Variants in GDAP2 observed in about 807,000 individuals in gnomAD.
The protein encoded by GDAP2 is ganglioside-induced differentiation-associated protein 2.
In GDAP2, 51 loss-of-function variants were observed where a neutral mutation model predicts 67.0. The observed-to-expected ratio is 0.76, with a 90% confidence interval of 0.61 to 0.96. The LOEUF is 0.96. Ranked by LOEUF, GDAP2 falls within the 40% of genes least tolerant of loss-of-function variation. The pLI, the probability that GDAP2 is intolerant of heterozygous loss-of-function variation, is 0.00. For missense variants in GDAP2, 547 were observed against 588.3 expected, an observed-to-expected ratio of 0.93 and a Z score of 0.73; for synonymous variants, 203 against 207.3, an observed-to-expected ratio of 0.98 and a Z score of 0.18.
rs1648039788 is a variant in GDAP2 at position 117,865,912 on chromosome 1, A to G, written c.*4657T>C. The G allele has an allele frequency of 6.6e-6, 1 of 152,228 alleles. No homozygotes were observed. Among genetic ancestry groups the G allele is most frequent in the African/African-American group, 2.4e-5 (1 of 41,458 alleles). 9.4% of individuals were successfully genotyped at this position (152,228 alleles called of 1,614,324 possible). A position where few individuals can be genotyped will look rare whatever the true frequency, so the allele number is the denominator to read the frequency against. On this transcript the variant is annotated 3_prime_UTR_variant, in exon 14 of 14. Transcript: ENST00000369443. ...ATTGAACTAGGTTATTTATTGCTCT[A>G]TGTTCTCTACATATGGACCACAGAA... is the stretch of plus-strand genomic sequence containing the variant.
chr1:117,910,485 A>G (rs1028693307), intron 5 of GDAP2, among the ~76,000 whole-genome samples: 2 of 152,176 alleles, frequency 1.3e-5, no homozygotes, highest in African/African-American at 4.8e-5. Flanking sequence ...AGCAGTTAGA[A>G]TATTGGTTTT....
chr1:117,873,004 G>C (rs1487397344), intron 13 of GDAP2, among the ~76,000 whole-genome samples: 7 of 152,042 alleles, frequency 4.6e-5, no homozygotes, highest in African/African-American at 1.7e-4. Flanking sequence ...TCTGTCTTTA[G>C]GAGTTCTCTA....
intron 3 of GDAP2, among the ~76,000 whole-genome samples, chr1:117,916,630 C>T (rs1650054114): frequency 2.0e-5 from 3 of 152,044 alleles, no homozygotes; most frequent in Admixed American, 2.0e-4. Context: ...TTGCTGGAGA[C>T]AATGGTGACA....
At chr1:117,894,275 G>A (rs1649192177) in intron 8 of GDAP2, among the ~76,000 whole-genome samples, 1 of 152,086 alleles carries the variant, frequency 6.6e-6, no homozygotes, top group African/African-American at 2.4e-5. Context: ...ACAGAGGCAT[G>A]AGCCACCATG....
intron 3 of GDAP2, chr1:117,913,409 T>G (rs1649932770): frequency 6.6e-6 from 1 of 152,040 alleles, no homozygotes; most frequent in Non-Finnish European, 1.5e-5. Context: ...TGATTTTTTT[T>G]TTTTTTTTAC....
rs1648177266 is a variant in GDAP2 at position 117,869,259 on chromosome 1, A to G, written c.*1310T>C. ...AATGGTTTGACCTTAATTCAAGAAG[A>G]AATGTTTAAAATGGCCAACAGATGC... On this transcript the variant is annotated 3_prime_UTR_variant, in exon 14 of 14. Coordinates refer to ENST00000369443, the MANE Select transcript of GDAP2 (RefSeq NM_017686.4). The G allele has an allele frequency of 6.6e-6, 1 of 152,186 alleles. No homozygotes were observed. The highest frequency in any genetic ancestry group is 1.5e-5 in the Non-Finnish European group (1 of 68,030). 9.4% of individuals were successfully genotyped at this position (152,186 alleles called of 1,614,324 possible). A position where few individuals can be genotyped will look rare whatever the true frequency, so the allele number is the denominator to read the frequency against.
intron 1 of GDAP2, among the ~76,000 whole-genome samples, chr1:117,925,921 A>G (rs112318205): frequency 2.6e-5 from 4 of 152,302 alleles, no homozygotes; most frequent in Admixed American, 2.0e-4. Flanking sequence ...GTTTAAGCCC[A>G]CCAAATCACT....
chr1:117,906,585 A>G lies in GDAP2; in HGVS notation c.560-3T>C, dbSNP rs375805686. On this transcript the variant is annotated splice_region_variant and splice_polypyrimidine_tract_variant and intron_variant, in intron 5 of 13. Coordinates refer to ENST00000369443, the MANE Select transcript of GDAP2 (RefSeq NM_017686.4). Reference sequence around the variant, plus strand: ...CTCTAGGAATCTTCTTACAGTGCCTAAGGAAAAGAATAGAAAGATTACTCA... The same window carrying G: ...CTCTAGGAATCTTCTTACAGTGCCTGAGGAAAAGAATAGAAAGATTACTCA... The G allele has an allele frequency of 2.1e-5, 30 of 1,451,328 alleles. No homozygotes were observed. The East Asian group carries it at 2.3e-4, about 11-fold the overall frequency. The allele number at this position is 1,451,328 out of a possible 1,614,324, so 89.9% of individuals were successfully genotyped here. A position where few individuals can be genotyped will look rare whatever the true frequency, so the allele number is the denominator to read the frequency against.
intron 6 of GDAP2, among the ~76,000 whole-genome samples, chr1:117,901,014 C>A (rs985987207): frequency 1.3e-5 from 2 of 151,968 alleles, no homozygotes; most frequent in African/African-American, 4.8e-5. Context: ...GAGCCGAGAT[C>A]GTGCCACTCT....
At chr1:117,904,962 T>C (rs1023557724) in intron 6 of GDAP2, among the ~76,000 whole-genome samples, 1 of 152,202 alleles carries the variant, frequency 6.6e-6, no homozygotes, top group African/African-American at 2.4e-5. Flanking sequence ...ATCTCAATGG[T>C]GGCATCATTA....
At chr1:117,915,800 AT>A (rs144459117) in intron 3 of GDAP2, among the ~76,000 whole-genome samples, 3,704 of 152,236 alleles carry the variant, frequency 0.024, 149 homozygotes, top group African/African-American at 0.083. Context: ...GCCTATTCTA[AT>A]TTTAGTATTG....
chr1:117,877,646 G>A (rs1342623636), intron 13 of GDAP2: 20 of 1,007,058 alleles, frequency 2.0e-5, no homozygotes, highest in Middle Eastern at 4.9e-4. Context: ...TTCTAAAAGT[G>A]ATCACCAATA....
In GDAP2 at chr1:117,920,747, A is replaced by AG. The variant is rs1395625551; in HGVS notation, c.-67-324_-67-323insC. On this transcript the variant is annotated intron_variant, in intron 1 of 13. Coordinates refer to ENST00000369443, the MANE Select transcript of GDAP2 (RefSeq NM_017686.4). ...TGAGTGCCTACTATTGAAAAAAAAA[A>AG]AAAAAGTAATAGATGCTGCAAGAGA... Among the ~76,000 whole-genome samples the AG allele has an allele frequency of 1.1e-4, 17 of 152,300 alleles. No homozygotes were observed. In the South Asian group the frequency reaches 1.2e-3, roughly 11 times the overall value.
At chr1:117,919,398 G>C (rs1343996475) in intron 2 of GDAP2, among the ~76,000 whole-genome samples, 1 of 151,352 alleles carries the variant, frequency 6.6e-6, no homozygotes, top group African/African-American at 2.4e-5. Context: ...ATAAAGTATT[G>C]ATTTGTACTA....
At position 117,896,867 on chromosome 1, in the gene GDAP2, A is replaced by G. The variant is rs563479040; in HGVS notation, c.919T>C (p.Ser307Pro). ...QRKLILQGQL[S>P]EAALQKQHQR... ...TGCTGCTTCTGCAGAGCTGCCTCTGATAATTGTCCCTGAAGGATCAGTTTT... is the reference window on the plus strand; with the variant it reads ...TGCTGCTTCTGCAGAGCTGCCTCTGGTAATTGTCCCTGAAGGATCAGTTTT... The change falls in exon 8 of 14, where the codon TCA becomes CCA. Residue 307 changes from serine to proline, a missense_variant. By Grantham distance (74) the Ser-to-Pro change is moderately conservative. Transcript: ENST00000369443. The G allele has an allele frequency of 1.2e-6, 2 of 1,613,138 alleles. No homozygotes were observed. The highest frequency in any genetic ancestry group is 1.7e-5 in the Admixed American group (1 of 59,924).
At chr1:117,882,585 G>A (rs776271485) in intron 11 of GDAP2, among the ~76,000 whole-genome samples, 2 of 152,090 alleles carry the variant, frequency 1.3e-5, no homozygotes, top group Non-Finnish European at 2.9e-5. Flanking sequence ...TGGAAAGGAC[G>A]TCAGAGAAAT....
At chr1:117,906,630 T>G (rs746580919) in intron 5 of GDAP2, 48 bp from the exon 6 acceptor site, 1 of 980,094 alleles carries the variant, frequency 1.0e-6, no homozygotes. Flanking sequence ...AAATTACTTA[T>G]ACATAAAGAA....
At chr1:117,923,257 T>A (rs931861545) in intron 1 of GDAP2, among the ~76,000 whole-genome samples, 13 of 152,316 alleles carry the variant, frequency 8.5e-5, no homozygotes, top group African/African-American at 3.1e-4. Flanking sequence ...ACATACATCC[T>A]CAGCTTATGA....
At chr1:117,875,610 G>T (rs1648430565) in intron 13 of GDAP2, among the ~76,000 whole-genome samples, 2 of 152,240 alleles carry the variant, frequency 1.3e-5, no homozygotes, top group East Asian at 3.9e-4. Flanking sequence ...GCTTCAACCT[G>T]TGAGAGCAAG....
Sources: allele counts gnomAD v4.1 joint callset (sites outside exome capture counted in the v4.1 genomes callset), GRCh38; gene constraint gnomAD v4.1.1; transcripts MANE v1.5; gene names NCBI Gene and HGNC (gene_info 2026-07-23, HGNC 2026-07-21).